PI4KA: variants seen among roughly 807,000 people sequenced by gnomAD.
PI4KA encodes the protein phosphatidylinositol 4-kinase alpha.
In PI4KA, 122 loss-of-function variants were observed where a neutral mutation model predicts 271.4. That is an observed-to-expected ratio of 0.45 (90% CI 0.39 to 0.52). PI4KA has a LOEUF of 0.52. Ranked by LOEUF, PI4KA falls within the 20% of genes least tolerant of loss-of-function variation. PI4KA has a pLI of 0.00. For synonymous variants in PI4KA, 1,041 were observed against 1,078.8 expected (o/e 0.96, Z 0.69); for missense variants, 1,969 against 2,769.1 (o/e 0.71, Z 6.48).
chr22:20,843,428 C>A (rs1203998248), intron 1 of PI4KA, among the ~76,000 whole-genome samples: 2 of 113,840 alleles, frequency 1.8e-5, no homozygotes, highest in Non-Finnish European at 3.7e-5. Context: ...TTGAGCCTAG[C>A]AGGTTAAGGC....
At chr22:20,766,343 G>A (rs543630409) in intron 19 of PI4KA, among the ~76,000 whole-genome samples, 4 of 152,228 alleles carry the variant, frequency 2.6e-5, no homozygotes, top group African/African-American at 9.6e-5. Flanking sequence ...CTGGGGGGAG[G>A]CAGGGAGAGA....
chr22:20,752,800 A>T (rs1431902988), intron 25 of PI4KA, 103 bp downstream of exon 25: 1 of 1,283,510 alleles, frequency 7.8e-7, no homozygotes, highest in Non-Finnish European at 1.1e-6. Flanking sequence ...TTCTGACTCC[A>T]TTTTTTCCTA....
rs184279849 is a variant in PI4KA at position 20,815,607 on chromosome 22, A to C, written c.857-2101T>G. 5.3e-5 allele frequency among the ~76,000 whole-genome samples: 8 copies of C among 152,268 alleles called. 1 individual carries two copies. In the East Asian group the frequency reaches 1.4e-3, roughly 26 times the overall value. ...CTGGCAGCACACTGCCAATCTGTCT[A>C]AAGAGGACGCAAACCAGCAACTTAC... On this transcript the variant is annotated intron_variant, in intron 7 of 54. Transcript: ENST00000255882.
intron 19 of PI4KA, among the ~76,000 whole-genome samples, chr22:20,781,498 C>T (rs1933796343): frequency 6.6e-6 from 1 of 152,214 alleles, no homozygotes; most frequent in African/African-American, 2.4e-5. Context: ...GGCTTCTGTT[C>T]AGGGAAAGGG....
At chr22:20,818,081 C>T (rs943272096) in intron 7 of PI4KA, among the ~76,000 whole-genome samples, 11 of 152,122 alleles carry the variant, frequency 7.2e-5, no homozygotes, top group Non-Finnish European at 1.3e-4. Flanking sequence ...GCCGAGACTA[C>T]ACCACTGCGC....
At position 20,811,020 on chromosome 22, in the gene PI4KA, C is replaced by A; in HGVS notation, c.1018G>T (p.Val340Phe). The change falls in exon 9 of 55, where the codon GTT (valine) becomes TTT (phenylalanine). Residue 340 changes from valine (V) to phenylalanine (F), a missense_variant. This residue lies in a region of PI4KA where 540 missense variants were observed against 555.5 expected (regional missense o/e 0.97). Transcript: ENST00000255882. The part of the protein sequence containing the change: ...RELLNLVKKI[V>F]EEAVLKSLDA... Reference sequence around the variant, plus strand: ...AAAGATTTGAGAACAGCCTCCTCAACGATCTTCTTCACCTACCAAGGAAAC... The same window carrying A: ...AAAGATTTGAGAACAGCCTCCTCAAAGATCTTCTTCACCTACCAAGGAAAC... 6.2e-7 allele frequency: 1 copy of A among 1,613,102 alleles called. No individual in the cohort carries two copies. The highest frequency in any genetic ancestry group is 1.3e-5 in the African/African-American group (1 of 75,038).
At chr22:20,769,939 G>A (rs1932797146) in intron 19 of PI4KA, among the ~76,000 whole-genome samples, 1 of 152,196 alleles carries the variant, frequency 6.6e-6, no homozygotes, top group Non-Finnish European at 1.5e-5. Context: ...AGTGCCCAGG[G>A]CAGAAGTGAG....
chr22:20,815,026 T>C (rs981693224), intron 7 of PI4KA, among the ~76,000 whole-genome samples: 1 of 151,844 alleles, frequency 6.6e-6, no homozygotes, highest in Non-Finnish European at 1.5e-5. Context: ...AAAATAGAAA[T>C]ATAGTAAATA....
chr22:20,858,591 C>T lies in PI4KA; in HGVS notation c.135G>A (p.Gln45=). ...TTACCTTCTCCAAGGATGCTGGTCT[C>T]TGCACCGCCAGGGAGCGGGCCAGTG... ...VLSLARSLAV[Q]RPASLEKVQK... is the part of the protein sequence containing the mutation. Residue 45 remains glutamine, a synonymous_variant, in exon 1 of 55, where the codon CAG becomes CAA. Coordinates refer to ENST00000255882, the MANE Select transcript of PI4KA (RefSeq NM_058004.4). The T allele has an allele frequency of 1.4e-6, 2 of 1,468,892 alleles. No individual in the cohort carries two copies. The highest frequency in any genetic ancestry group is 1.8e-6 in the Non-Finnish European group (2 of 1,113,736). The allele number at this position is 1,468,892 out of a possible 1,614,324, so 91.0% of individuals were successfully genotyped here.
chr22:20,718,814 C>G lies in PI4KA; in HGVS notation c.5125G>C (p.Gly1709Arg). 3 of 1,613,780 alleles carry G rather than the reference C, an allele frequency of 1.9e-6. No individual in the cohort carries two copies. Among genetic ancestry groups the G allele is most frequent in the Non-Finnish European group, 2.5e-6 (3 of 1,179,964 alleles). Residue 1709 changes from glycine (G) to arginine (R), a missense_variant, in exon 44 of 55, where the codon GGC becomes CGC. Physicochemically the swap from Gly to Arg is moderately radical, Grantham distance 125. Around this residue, in one of 13 missense-constraint regions of PI4KA, gnomAD observed 388 missense variants for 521.5 expected, o/e 0.74. Coordinates refer to ENST00000255882, the MANE Select transcript of PI4KA (RefSeq NM_058004.4). ...TCTACCAACTGATCCAGGAGGTCGC[C>G]GATGTCAGCTGCCAAGGAAGCAAAG... ...EEGHQKDPDI[G>R]DLLDQLVEEI...
chr22:20,745,887 C>T (rs1929999380), intron 29 of PI4KA, among the ~76,000 whole-genome samples: 1 of 146,868 alleles, frequency 6.8e-6, no homozygotes, highest in Admixed American at 6.7e-5. Context: ...ACCATCACTC[C>T]TCACTGCCCA....
intron 3 of PI4KA, among the ~76,000 whole-genome samples, chr22:20,833,491 A>G (rs1924459362): frequency 6.6e-6 from 1 of 152,070 alleles, no homozygotes; most frequent in Non-Finnish European, 1.5e-5. Context: ...CTGTGTGCAC[A>G]TTTGCACCAA....
At chr22:20,727,617 A>C in intron 40 of PI4KA, 157 bp downstream of exon 40, 1 of 694,010 alleles carries the variant, frequency 1.4e-6, no homozygotes, top group Non-Finnish European at 2.4e-6. Context: ...AATGCTACAG[A>C]CAAGAAATAG....
chr22:20,856,531 T>C (rs1312942891), intron 1 of PI4KA, among the ~76,000 whole-genome samples: 1 of 151,034 alleles, frequency 6.6e-6, no homozygotes, highest in Non-Finnish European at 1.5e-5. Context: ...GCCTCTCAGG[T>C]TCAAGCGATT....
At position 20,809,147 on chromosome 22, in the gene PI4KA, T is replaced by G. The variant is rs141544072; in HGVS notation, c.1072-1689A>C. On this transcript the variant is annotated intron_variant, in intron 9 of 54. Coordinates refer to ENST00000255882, the MANE Select transcript of PI4KA (RefSeq NM_058004.4). ...GAGAGGTTAAAGCAGTTCAGGGCTTTGACTCTGGGAGTCCAGACAACACGA... is the reference window on the plus strand; with the variant it reads ...GAGAGGTTAAAGCAGTTCAGGGCTTGGACTCTGGGAGTCCAGACAACACGA... 9.9e-5 allele frequency among the ~76,000 whole-genome samples: 15 copies of G among 152,274 alleles called. No homozygotes were observed. The East Asian group carries it at 2.9e-3, about 29-fold the overall frequency.
chr22:20,709,528 G>C (rs953125392), intron 53 of PI4KA, 149 bp from the exon 54 acceptor site: 32 of 658,256 alleles, frequency 4.9e-5, no homozygotes, highest in Non-Finnish European at 3.1e-5. Flanking sequence ...GGAAGATGGG[G>C]TGCTGTGAAG....
chr22:20,806,592 A>C (rs1935666354), intron 10 of PI4KA, among the ~76,000 whole-genome samples: 1 of 151,900 alleles, frequency 6.6e-6, no homozygotes, highest in Non-Finnish European at 1.5e-5. Flanking sequence ...GAATTGCTTG[A>C]GCCTGGGAGG....
intron 29 of PI4KA, 92 bp downstream of exon 29, chr22:20,747,491 C>T: frequency 7.2e-7 from 1 of 1,396,310 alleles, no homozygotes; most frequent in Non-Finnish European, 9.9e-7. Context: ...TCATGTGCGT[C>T]ATGAAAAGCG....
Position 20,753,772 on chromosome 22 carries a change from C to T in PI4KA, c.2792-592G>A, listed in dbSNP as rs918587751. 4.6e-5 allele frequency among the ~76,000 whole-genome samples: 7 copies of T among 151,966 alleles called. No individual in the cohort carries two copies. The South Asian group carries it at 8.3e-4, about 18-fold the overall frequency. ...CGCGATCTTGGCTCACTGCAACCTC[C>T]GCCTCCTGGGTTCACGCCATTCTCC... On this transcript the variant is annotated intron_variant, in intron 23 of 54. Coordinates refer to ENST00000255882, the MANE Select transcript of PI4KA (RefSeq NM_058004.4).
Sources: allele counts gnomAD v4.1 joint callset (sites outside exome capture counted in the v4.1 genomes callset), GRCh38; gene constraint gnomAD v4.1.1; regional missense constraint gnomAD v4.1.1; transcripts MANE v1.5; gene names NCBI Gene and HGNC (gene_info 2026-07-23, HGNC 2026-07-21).